The following LRRC49 variants were observed in gnomAD, a reference collection of about 807,000 sequenced individuals.
LRRC49 encodes the protein leucine-rich repeat-containing protein 49.
A neutral mutation model predicts 83.3 loss-of-function variants in LRRC49; 50 were observed. The observed-to-expected ratio is 0.60, with a 90% CI of 0.48 to 0.76. LRRC49 has a LOEUF of 0.76. LRRC49 is among the 30% of genes least tolerant of loss of function. The pLI is 0.00. For synonymous variants in LRRC49, 286 were observed against 283.3 expected, an observed-to-expected ratio of 1.01 and a Z score of -0.10; for missense variants, 704 against 809.1, an observed-to-expected ratio of 0.87 and a Z score of 1.58.
Position 71,043,844 on chromosome 15 carries a change from C to T in LRRC49, c.1858-5565C>T, listed in dbSNP as rs541549333. 2.0e-5 allele frequency among the ~76,000 whole-genome samples: 3 copies of T among 152,124 alleles called. No homozygotes were observed. In the East Asian group the frequency reaches 5.8e-4, roughly 29 times the overall value. ...ATTGTATAATACATAAATGATTTAA[C>T]AAAATATATCATTTAATTGTTTTAA... On this transcript the variant is annotated intron_variant, in intron 15 of 15. Coordinates refer to ENST00000260382, the MANE Select transcript of LRRC49 (RefSeq NM_017691.5).
At chr15:70,951,391 G>C (rs1172496605) in intron 8 of LRRC49, among the ~76,000 whole-genome samples, 1 of 152,028 alleles carries the variant, frequency 6.6e-6, no homozygotes, top group African/African-American at 2.4e-5. Flanking sequence ...TCTTATCCTT[G>C]AGCATGGAAT....
intron 7 of LRRC49, among the ~76,000 whole-genome samples, chr15:70,932,686 GA>G (rs2035450615): frequency 6.7e-6 from 1 of 149,142 alleles, no homozygotes; most frequent in Admixed American, 6.7e-5. Flanking sequence ...TCAGATTGCT[GA>G]ATCATTTAGT....
At chr15:71,025,581 G>A (rs2039139532) in intron 14 of LRRC49, among the ~76,000 whole-genome samples, 1 of 152,018 alleles carries the variant, frequency 6.6e-6, no homozygotes, top group African/African-American at 2.4e-5. Context: ...TGGATAAAAA[G>A]TCAAGACCCA....
intron 8 of LRRC49, among the ~76,000 whole-genome samples, chr15:70,938,637 G>A (rs767811842): frequency 1.3e-5 from 2 of 152,308 alleles, no homozygotes; most frequent in East Asian, 3.9e-4. Flanking sequence ...ATCTCAGATA[G>A]CTGGGCTGTC....
At chr15:70,923,633 T>C (rs545392149) in intron 7 of LRRC49, among the ~76,000 whole-genome samples, 1 of 151,918 alleles carries the variant, frequency 6.6e-6, no homozygotes, top group Non-Finnish European at 1.5e-5. Flanking sequence ...TATATCTTTT[T>C]TATTTCCTAA....
chr15:71,019,533 C>T (rs1295361664), intron 14 of LRRC49, among the ~76,000 whole-genome samples: 1 of 152,062 alleles, frequency 6.6e-6, no homozygotes, highest in Non-Finnish European at 1.5e-5. Context: ...AATCAAAGCC[C>T]AGGGCTCCAT....
chr15:71,020,602 G>T (rs1660972), intron 14 of LRRC49, among the ~76,000 whole-genome samples: 116,766 of 151,580 alleles, frequency 0.77, 46,368 homozygotes, highest in East Asian at 0.86. Flanking sequence ...TCAAAAGAGT[G>T]GAGATCAACA....
rs545076726 is a variant in LRRC49 at position 70,943,177 on chromosome 15, G to GT, written c.773+6365dup. On this transcript the variant is annotated intron_variant, in intron 8 of 15. Transcript: ENST00000260382. ...CCTGTTGAGGTTTATTTTTAGTTTA[G>GT]TTTTTTTTTTAAGGAAGATCTAAAG... is the stretch of plus-strand genomic sequence containing the variant. Among the ~76,000 whole-genome samples the GT allele has an allele frequency of 2.3e-3, 346 of 147,532 alleles. 1 individual carries two copies. The highest frequency in any genetic ancestry group is 1.2e-3 in the Non-Finnish European group (79 of 66,392).
intron 8 of LRRC49, among the ~76,000 whole-genome samples, chr15:70,956,391 GA>G (rs1281100664): frequency 6.6e-6 from 1 of 151,154 alleles, no homozygotes; most frequent in Non-Finnish European, 1.5e-5. Context: ...GAGTAATCTG[GA>G]AAAAGATTAA....
upstream of LRRC49, among the ~76,000 whole-genome samples, chr15:70,890,801 G>A (rs2033535342): frequency 6.6e-6 from 1 of 152,214 alleles, no homozygotes; most frequent in Non-Finnish European, 1.5e-5. Context: ...TTGGTAGGAA[G>A]TAATATAGTA....
At chr15:71,017,211 T>C (rs79451840) in intron 14 of LRRC49, among the ~76,000 whole-genome samples, 1,988 of 152,328 alleles carry the variant, frequency 0.013, 50 homozygotes, top group African/African-American at 0.046. Flanking sequence ...ATTGTAAAGA[T>C]GCCAATTTAT....
intron 1 of LRRC49, among the ~76,000 whole-genome samples, chr15:70,867,427 G>A (rs925257805): frequency 5.9e-5 from 9 of 151,954 alleles, no homozygotes; most frequent in East Asian, 1.9e-4. Context: ...AAGAGATGAC[G>A]GGAATGGCCA....
intron 14 of LRRC49, among the ~76,000 whole-genome samples, chr15:71,034,311 A>G (rs2039452534): frequency 6.6e-6 from 1 of 152,258 alleles, no homozygotes; most frequent in Non-Finnish European, 1.5e-5. Flanking sequence ...TATTAGAGAA[A>G]TGCAAATCAA....
chr15:70,952,820 G>A (rs2036267797), intron 8 of LRRC49, among the ~76,000 whole-genome samples: 1 of 152,090 alleles, frequency 6.6e-6, no homozygotes, highest in Non-Finnish European at 1.5e-5. Flanking sequence ...CCACTGTTGG[G>A]TTGGGTGTGT....
At chr15:70,984,502 A>G (rs1431760353) in intron 11 of LRRC49, 3 of 313,218 alleles carry the variant, frequency 9.6e-6, no homozygotes, top group Non-Finnish European at 1.7e-5. Context: ...AATATAGTCT[A>G]TGATGTCTTT....
At chr15:70,924,905 T>C (rs552637941) in intron 7 of LRRC49, among the ~76,000 whole-genome samples, 19 of 152,190 alleles carry the variant, frequency 1.2e-4, no homozygotes, top group African/African-American at 4.6e-4. Context: ...GTTATTGTCA[T>C]TAAAATGTCT....
intron 5 of LRRC49, among the ~76,000 whole-genome samples, chr15:70,906,812 T>G (rs1261531294): frequency 6.6e-6 from 1 of 152,246 alleles, no homozygotes; most frequent in African/African-American, 2.4e-5. Context: ...TGCTGTGTCT[T>G]TTTCCTCTTT....
At chr15:71,010,204 G>C (rs956147243) in intron 13 of LRRC49, among the ~76,000 whole-genome samples, 34 of 151,924 alleles carry the variant, frequency 2.2e-4, no homozygotes, top group African/African-American at 8.2e-4. Flanking sequence ...TAGTAACCAG[G>C]TTATAGTAAA....
intron 8 of LRRC49, among the ~76,000 whole-genome samples, chr15:70,952,459 A>G (rs1205302109): frequency 6.6e-6 from 1 of 151,854 alleles, no homozygotes; most frequent in Non-Finnish European, 1.5e-5. Context: ...GGACTGTTCA[A>G]TATTGATTGC....
Sources: gnomAD v4.1 joint callset for allele counts (sites outside exome capture counted in the v4.1 genomes callset) on GRCh38, gnomAD v4.1.1 for gene constraint, MANE v1.5 for transcripts, NCBI Gene and HGNC (gene_info 2026-07-23, HGNC 2026-07-21) for gene names.